Variants in SPMIP7 observed in about 807,000 individuals in gnomAD.
The protein encoded by SPMIP7 is sperm microtubule inner protein 7, also known as protein SPMIP7.
At chr7:50,137,420 A>G in the SPMIP7 span, among the ~76,000 whole-genome samples, 1 of 152,124 alleles carries the variant, frequency 6.6e-6, no homozygotes, top group African/African-American at 2.4e-5. Flanking sequence ...GCCAAAAATT[A>G]TTCATCCATT....
the SPMIP7 span, chr7:50,120,507 G>A: frequency 9.8e-5 from 15 of 152,418 alleles, no homozygotes; most frequent in African/African-American, 3.6e-4. Context: ...GTGCTAAACA[G>A]AACTGAATGC....
the SPMIP7 span, chr7:50,140,057 C>G: frequency 1.0e-6 from 1 of 968,032 alleles, no homozygotes; most frequent in Non-Finnish European, 1.5e-6. Context: ...AGGCTTTTGT[C>G]TTAATTAGAG....
At chr7:50,124,907 T>C in the SPMIP7 span, among the ~76,000 whole-genome samples, 1 of 151,768 alleles carries the variant, frequency 6.6e-6, no homozygotes, top group Non-Finnish European at 1.5e-5. Context: ...AAGATCAGCT[T>C]GGTCAACATG....
chr7:50,149,596 T>C, the SPMIP7 span, among the ~76,000 whole-genome samples: 1 of 152,220 alleles, frequency 6.6e-6, no homozygotes, highest in Non-Finnish European at 1.5e-5. Context: ...AGCTGCCTTA[T>C]TTTCCTAGTC....
chr7:50,155,482 G>C, the SPMIP7 span, among the ~76,000 whole-genome samples: 1 of 152,160 alleles, frequency 6.6e-6, no homozygotes, highest in Admixed American at 6.5e-5. Context: ...ATCCGATGCA[G>C]AGATTCTTTG....
the SPMIP7 span, chr7:50,134,156 T>C: frequency 6.4e-7 from 1 of 1,550,820 alleles, no homozygotes; most frequent in Non-Finnish European, 8.7e-7. Context: ...CAAAACTTGT[T>C]CCAGAAGAAA....
the SPMIP7 span, chr7:50,135,970 G>A: frequency 1.6e-6 from 1 of 645,150 alleles, no homozygotes; most frequent in African/African-American, 1.8e-5. Flanking sequence ...AAAGCTTGGA[G>A]AGTGCGTTTC....
chr7:50,097,103 C>T, the SPMIP7 span, among the ~76,000 whole-genome samples: 1 of 152,184 alleles, frequency 6.6e-6, no homozygotes, highest in East Asian at 1.9e-4. Context: ...TGAAATGAAG[C>T]AAACTCTGCA....
chr7:50,118,893 G>A, the SPMIP7 span, among the ~76,000 whole-genome samples: 1 of 152,128 alleles, frequency 6.6e-6, no homozygotes. Context: ...GACTCCTTAT[G>A]GAATAGTTCC....
At chr7:50,118,860 AC>A in the SPMIP7 span, among the ~76,000 whole-genome samples, 1 of 152,072 alleles carries the variant, frequency 6.6e-6, no homozygotes, top group East Asian at 1.9e-4. Flanking sequence ...AATCAAATCC[AC>A]CCCCAGTGGA....
chr7:50,152,664 T>TTTTA, the SPMIP7 span, among the ~76,000 whole-genome samples: 44,988 of 141,138 alleles, frequency 0.32, 7,280 homozygotes, highest in Admixed American at 0.34. Context: ...TTATCACACA[T>TTTTA]TTTATTTATT....
chr7:50,107,761 T>C, the SPMIP7 span, among the ~76,000 whole-genome samples: 5 of 152,184 alleles, frequency 3.3e-5, no homozygotes, highest in Non-Finnish European at 1.5e-5. Context: ...TTACATTCTC[T>C]GCTGCACATT....
the SPMIP7 span, among the ~76,000 whole-genome samples, chr7:50,143,454 C>T: frequency 6.6e-6 from 1 of 152,162 alleles, no homozygotes; most frequent in Non-Finnish European, 1.5e-5. Flanking sequence ...GTGTCAGCCA[C>T]CACACCCGGC....
At chr7:50,125,373 T>TACATATATAC in the SPMIP7 span, among the ~76,000 whole-genome samples, 1 of 61,388 alleles carries the variant, frequency 1.6e-5, no homozygotes, top group Non-Finnish European at 2.6e-5. Flanking sequence ...CACATATATA[T>TACATATATAC]ACACATATAC....
At chr7:50,106,227 C>T in the SPMIP7 span, among the ~76,000 whole-genome samples, 1 of 152,130 alleles carries the variant, frequency 6.6e-6, no homozygotes, top group African/African-American at 2.4e-5. Context: ...TTAAGCCTAG[C>T]ACTTAGGGCC....
At chr7:50,130,732 G>A in the SPMIP7 span, among the ~76,000 whole-genome samples, 2 of 152,038 alleles carry the variant, frequency 1.3e-5, no homozygotes, top group African/African-American at 2.4e-5. Flanking sequence ...CTCCCCAGGT[G>A]CTGAGGGGTG....
At chr7:50,125,361 T>C in the SPMIP7 span, among the ~76,000 whole-genome samples, 2 of 133,618 alleles carry the variant, frequency 1.5e-5, 1 homozygote, top group Admixed American at 1.6e-4. Context: ...CACATATATA[T>C]ACACATATAT....
the SPMIP7 span, chr7:50,140,124 CTT>C: frequency 6.7e-7 from 1 of 1,482,870 alleles, no homozygotes; most frequent in Non-Finnish European, 9.0e-7. Flanking sequence ...AGTTGCCTCT[CTT>C]CTCTTTTTTG....
At chr7:50,096,717 C>A in the SPMIP7 span, 1 of 1,123,284 alleles carries the variant, frequency 8.9e-7, no homozygotes, top group South Asian at 2.8e-5. Context: ...AATATTTAGG[C>A]AGTTAAATTA....
Sources: allele counts gnomAD v4.1 joint callset (sites outside exome capture counted in the v4.1 genomes callset), GRCh38; gene constraint gnomAD v4.1.1; transcripts MANE v1.5; gene names NCBI Gene and HGNC (gene_info 2026-07-23, HGNC 2026-07-21).